The following MYO18B variants were observed in gnomAD, a reference collection of about 807,000 sequenced individuals.
MYO18B encodes unconventional myosin-XVIIIb.
Under a neutral mutation model 273.0 loss-of-function variants are expected in MYO18B, and 204 were observed. That is an observed-to-expected ratio of 0.75 (90% CI 0.67 to 0.84). The LOEUF is 0.84. Among genes scored for constraint, MYO18B ranks in the 40% least tolerant of loss-of-function variants. The pLI is 0.00. For synonymous variants in MYO18B, 1,330 were observed against 1,305.7 expected (o/e 1.02, Z -0.40); for missense variants, 3,212 against 3,287.6 (o/e 0.98, Z 0.56).
At chr22:25,928,062 A>T (rs2092446153) in intron 34 of MYO18B, among the ~76,000 whole-genome samples, 1 of 152,176 alleles carries the variant, frequency 6.6e-6, no homozygotes, top group South Asian at 2.1e-4. Context: ...GCACACAGAG[A>T]CAGAAAGCAT....
At chr22:25,754,149 G>T (rs971387187) in intron 1 of MYO18B, among the ~76,000 whole-genome samples, 10 of 152,214 alleles carry the variant, frequency 6.6e-5, no homozygotes, top group African/African-American at 2.4e-4. Flanking sequence ...TGGAGGAGGA[G>T]TAGGGTGGGA....
Position 25,785,492 on chromosome 22 carries a change from G to A in MYO18B, c.2376+1G>A. 1.2e-6 allele frequency: 2 copies of A among 1,612,042 alleles called. No homozygotes were observed. The highest frequency in any genetic ancestry group is 1.7e-6 in the Non-Finnish European group (2 of 1,179,156). ...CTTTGGCATGGGCGTGTGGTCCAAG[G>A]TAAGGAGGAGGTCCCTCACGGGTGG... On this transcript the variant is annotated splice_donor_variant, in intron 11 of 43. Coordinates refer to ENST00000335473, the MANE Select transcript of MYO18B (RefSeq NM_032608.7). LOFTEE classifies it high-confidence loss of function.
intron 36 of MYO18B, among the ~76,000 whole-genome samples, chr22:25,948,455 C>T (rs67843704): frequency 0.27 from 21,562 of 79,762 alleles, 1,801 homozygotes; most frequent in Middle Eastern, 0.37. Context: ...TCCTTCCTTC[C>T]TTCCTTCTTT....
intron 17 of MYO18B, among the ~76,000 whole-genome samples, chr22:25,837,533 T>C (rs117424960): frequency 0.039 from 5,887 of 152,294 alleles, 163 homozygotes; most frequent in East Asian, 0.11. Flanking sequence ...CGGGTGATTG[T>C]CCAACTGGAA....
rs756752549 is a variant in MYO18B at position 26,027,413 on chromosome 22, C to T, written c.7439C>T (p.Ala2480Val). 28 of 1,613,968 alleles carry T rather than the reference C, an allele frequency of 1.7e-5. No individual in the cohort carries two copies. Among genetic ancestry groups the T allele is most frequent in the Non-Finnish European group, 2.4e-5 (28 of 1,179,878 alleles). ...RSSIHFETEE[A>V]NRSFLSGIKT... Reference sequence around the variant, plus strand: ...AGCATCCACTTTGAAACGGAAGAGGCTAACCGTTCCTTTCTCTCGGGGATC... The same window carrying T: ...AGCATCCACTTTGAAACGGAAGAGGTTAACCGTTCCTTTCTCTCGGGGATC... The change falls in exon 43 of 44, where the codon GCT (alanine) becomes GTT (valine). Residue 2480 changes from alanine to valine, a missense_variant. Physicochemically the swap from Ala to Val is moderately conservative, Grantham distance 64 (BLOSUM62 0). Transcript: ENST00000335473. The surrounding 1 kb of genome is among the most constrained non-coding windows in gnomAD (Gnocchi z 4.1).
chr22:25,796,162 A>AGTAGTCCT (rs2087900219), intron 11 of MYO18B, among the ~76,000 whole-genome samples: 1 of 152,172 alleles, frequency 6.6e-6, no homozygotes, highest in South Asian at 2.1e-4. Context: ...CCTTGGCCAG[A>AGTAGTCCT]TGGTGTGTGC....
intron 39 of MYO18B, among the ~76,000 whole-genome samples, chr22:25,960,339 G>T (rs1356671278): frequency 6.6e-6 from 1 of 152,144 alleles, no homozygotes. Context: ...AACCACCCTG[G>T]TCCCAAGACT....
intron 38 of MYO18B, among the ~76,000 whole-genome samples, chr22:25,952,951 A>G (rs1443315908): frequency 6.6e-6 from 1 of 152,248 alleles, no homozygotes; most frequent in Non-Finnish European, 1.5e-5. Context: ...TTTGTAAGCA[A>G]TGTGGGTAAG....
intron 36 of MYO18B, 130 bp downstream of exon 36, chr22:25,947,958 G>T: frequency 1.5e-6 from 1 of 676,444 alleles, no homozygotes; most frequent in Non-Finnish European, 2.6e-6. Context: ...CACAGAGATA[G>T]TTAGGAATTG....
At chr22:26,014,481 T>C (rs1452406077) in intron 42 of MYO18B, among the ~76,000 whole-genome samples, 1 of 152,214 alleles carries the variant, frequency 6.6e-6, no homozygotes, top group African/African-American at 2.4e-5. Context: ...TTCAGTGTAT[T>C]TCCCTCTTTG....
chr22:25,930,510 T>C (rs998446011), intron 34 of MYO18B, among the ~76,000 whole-genome samples: 1 of 144,634 alleles, frequency 6.9e-6, no homozygotes, highest in Non-Finnish European at 1.5e-5. Flanking sequence ...ACATCCTTTT[T>C]AATTTTTTTT....
chr22:25,774,243 C>T (rs1198634591), intron 7 of MYO18B, among the ~76,000 whole-genome samples: 1 of 152,194 alleles, frequency 6.6e-6, no homozygotes, highest in Non-Finnish European at 1.5e-5. Flanking sequence ...CAGGGGCTCT[C>T]CCACCACCGC....
At chr22:26,031,934 G>GA (rs1936677028), downstream of MYO18B, among the ~76,000 whole-genome samples, 1 of 152,198 alleles carries the variant, frequency 6.6e-6, no homozygotes, top group African/African-American at 2.4e-5. Flanking sequence ...AGAGTGCTGG[G>GA]ACACACGGGG....
the MYO18B span, among the ~76,000 whole-genome samples, chr22:26,049,666 T>A: frequency 6.6e-6 from 1 of 152,222 alleles, no homozygotes; most frequent in Admixed American, 6.5e-5. Context: ...TGGGAGATAC[T>A]AATAACTATT....
intron 42 of MYO18B, among the ~76,000 whole-genome samples, chr22:26,023,329 AC>A (rs1410990971): frequency 1.3e-5 from 2 of 152,092 alleles, no homozygotes; most frequent in African/African-American, 4.8e-5. Flanking sequence ...CTGAGCATCT[AC>A]TACATACTGG....
chr22:25,920,747 A>G (rs745759191), intron 33 of MYO18B, among the ~76,000 whole-genome samples: 12 of 152,162 alleles, frequency 7.9e-5, no homozygotes, highest in South Asian at 2.1e-4. Context: ...ATTTTCATAA[A>G]CTCATAAAAC....
At chr22:25,895,112 C>G (rs773522509) in intron 27 of MYO18B, 44 bp from the exon 28 acceptor site, 4 of 1,594,962 alleles carry the variant, frequency 2.5e-6, no homozygotes, top group African/African-American at 1.3e-5. Flanking sequence ...TTGCCTTACA[C>G]TCATTTGGCC....
chr22:25,836,761 G>A (rs1010236736), intron 17 of MYO18B, among the ~76,000 whole-genome samples: 3 of 152,058 alleles, frequency 2.0e-5, no homozygotes, highest in Non-Finnish European at 4.4e-5. Context: ...AGGAGTTTGA[G>A]ACCAGCATGG....
At chr22:26,061,434 G>A in the MYO18B span, among the ~76,000 whole-genome samples, 2 of 151,816 alleles carry the variant, frequency 1.3e-5, no homozygotes, top group Admixed American at 1.3e-4. Context: ...TTTGAATACT[G>A]GGTGGCTGTG....
Sources: allele counts gnomAD v4.1 joint callset (sites outside exome capture counted in the v4.1 genomes callset), GRCh38; gene constraint gnomAD v4.1.1; non-coding constraint Gnocchi (gnomAD v3.1); transcripts MANE v1.5; gene names NCBI Gene and HGNC (gene_info 2026-07-23, HGNC 2026-07-21).